Variants in AGO1 observed in about 807,000 individuals in gnomAD.
The protein encoded by AGO1 is protein argonaute-1.
Under a neutral mutation model 109.2 loss-of-function variants are expected in AGO1, and 11 were observed. The observed-to-expected ratio is 0.10, with a 90% CI of 0.06 to 0.17. AGO1 has a LOEUF of 0.17. AGO1 is among the 10% of genes least tolerant of loss of function. The pLI, the probability that AGO1 is intolerant of heterozygous loss-of-function variation, is 1.00. For synonymous variants in AGO1, 422 were observed against 418.6 expected, an observed-to-expected ratio of 1.01 and a Z score of -0.10; for missense variants, 574 against 1,140.3, an observed-to-expected ratio of 0.50 and a Z score of 7.15.
chr1:35,888,748 G>C lies in AGO1; in HGVS notation c.209+138G>C. The C allele has an allele frequency of 1.1e-6, 1 of 939,072 alleles. No individual in the cohort carries two copies. The highest frequency in any genetic ancestry group is 1.6e-6 in the Non-Finnish European group (1 of 643,664). 58.2% of individuals were successfully genotyped at this position (939,072 alleles called of 1,614,324 possible). On this transcript the variant is annotated intron_variant, in intron 2 of 18. Coordinates refer to ENST00000373204, the MANE Select transcript of AGO1 (RefSeq NM_012199.5). The surrounding 1 kb of genome is among the most constrained non-coding windows in gnomAD (Gnocchi z 4.1). ...TTTTGAACGGGAGATGCCACGTCGG[G>C]TAAATGCTGAAAAATAGTCCAATTG...
intron 1 of AGO1, among the ~76,000 whole-genome samples, chr1:35,870,059 T>C (rs1034123951): frequency 2.6e-5 from 4 of 152,050 alleles, no homozygotes; most frequent in Non-Finnish European, 5.9e-5. Flanking sequence ...TAATTTTTTT[T>C]CCTGTCAGCC....
chr1:35,873,126 C>T (rs754246608), intron 1 of AGO1: 3 of 151,678 alleles, frequency 2.0e-5, no homozygotes, highest in Non-Finnish European at 2.9e-5. Flanking sequence ...TACCTTTATC[C>T]TTGTCCTAAA....
At chr1:35,879,017 C>G (rs1344230927), upstream of AGO1, among the ~76,000 whole-genome samples, 1 of 152,030 alleles carries the variant, frequency 6.6e-6, no homozygotes, top group African/African-American at 2.4e-5. Flanking sequence ...GTAGAAGACT[C>G]TGGCCCACAC....
At chr1:35,883,179 G>C (rs566039456), upstream of AGO1, 14 of 1,154,488 alleles carry the variant, frequency 1.2e-5, no homozygotes, top group South Asian at 4.7e-4. This position sits in a 1 kb window ranked among gnomAD's most constrained non-coding sequence, Gnocchi z 5.4. Context: ...GTTCCGGTCC[G>C]CCCCCTGGGC....
intron 12 of AGO1, among the ~76,000 whole-genome samples, chr1:35,907,454 GA>G (rs1645544394): frequency 6.6e-6 from 1 of 151,986 alleles, no homozygotes; most frequent in Admixed American, 6.6e-5. Flanking sequence ...TTGTTTATCT[GA>G]ACATCGTGCA....
chr1:35,893,946 GC>G lies in AGO1; in HGVS notation c.650-88del. ...TGGCACCCCCTTCCCCCATCCCAAT[GC>G]CCTTTAAGGAAGAGGGTATAAATTG... is the stretch of plus-strand genomic sequence containing the variant. On this transcript the variant is annotated intron_variant, in intron 5 of 18. Transcript: ENST00000373204. The surrounding 1 kb of genome is among the most constrained non-coding windows in gnomAD (Gnocchi z 5.6). 6.6e-7 allele frequency: 1 copy of G among 1,519,194 alleles called. No homozygotes were observed. The highest frequency in any genetic ancestry group is 8.9e-7 in the Non-Finnish European group (1 of 1,129,602). The allele number at this position is 1,519,194 out of a possible 1,614,324, so 94.1% of individuals were successfully genotyped here. A position where few individuals can be genotyped will look rare whatever the true frequency, so the allele number is the denominator to read the frequency against.
intron 8 of AGO1, among the ~76,000 whole-genome samples, chr1:35,900,641 C>T (rs1279939944): frequency 6.6e-6 from 1 of 152,098 alleles, no homozygotes; most frequent in East Asian, 1.9e-4. Context: ...GCAGGAGAAT[C>T]GCTTGAACCT....
chr1:35,879,069 C>G (rs1251186798), upstream of AGO1, among the ~76,000 whole-genome samples: 1 of 152,034 alleles, frequency 6.6e-6, no homozygotes, highest in Non-Finnish European at 1.5e-5. Flanking sequence ...GACTGAGATG[C>G]AAGGATGAAA....
intron 1 of AGO1, among the ~76,000 whole-genome samples, chr1:35,873,995 G>A (rs1156579682): frequency 6.6e-6 from 1 of 152,092 alleles, no homozygotes; most frequent in Non-Finnish European, 1.5e-5. Flanking sequence ...TGCTCAAATT[G>A]TGTCTTTCTC....
chr1:35,912,261 A>C (rs559513940), intron 12 of AGO1, among the ~76,000 whole-genome samples: 2 of 146,676 alleles, frequency 1.4e-5, no homozygotes, highest in African/African-American at 5.0e-5. Flanking sequence ...CAGGAGGCTG[A>C]GGCAGGAGAA....
chr1:35,902,921 A>G (rs1241425938), intron 11 of AGO1, among the ~76,000 whole-genome samples: 1 of 151,304 alleles, frequency 6.6e-6, no homozygotes, highest in African/African-American at 2.4e-5. Context: ...GGCACCAATG[A>G]GGAAAGTGTT....
At chr1:35,878,508 A>G (rs1006779515), upstream of AGO1, among the ~76,000 whole-genome samples, 5 of 152,200 alleles carry the variant, frequency 3.3e-5, no homozygotes, top group African/African-American at 9.7e-5. Context: ...GGACTGGCTC[A>G]ATTACATCCT....
rs1280679964 is a variant in AGO1 at position 35,928,091 on chromosome 1, G to A, written c.*8484G>A. ...TAGAATAATAGCGGCAGCAGGGAGG[G>A]AAGTGTGAACTGTGTGTCCCTGAGC... On this transcript the variant is annotated 3_prime_UTR_variant, in exon 19 of 19. Transcript: ENST00000373204. 1 of 152,222 alleles carries A rather than the reference G, an allele frequency of 6.6e-6. No homozygotes were observed. The highest frequency in any genetic ancestry group is 6.5e-5 in the Admixed American group (1 of 15,282). 9.4% of individuals were successfully genotyped at this position (152,222 alleles called of 1,614,324 possible). A position where few individuals can be genotyped will look rare whatever the true frequency, so the allele number is the denominator to read the frequency against.
chr1:35,895,310 A>G (rs1250867214), intron 8 of AGO1, 41 bp downstream of exon 8: 3 of 1,573,388 alleles, frequency 1.9e-6, no homozygotes, highest in Admixed American at 1.8e-5. Context: ...GGCATTGTAT[A>G]TACCTGCATG....
Position 35,925,315 on chromosome 1 carries a change from T to TA in AGO1, c.*5712dup, listed in dbSNP as rs754918941. 7.3e-5 allele frequency: 11 copies of TA among 151,192 alleles called. No homozygotes were observed. Among genetic ancestry groups the TA allele is most frequent in the Non-Finnish European group, 1.2e-4 (8 of 67,880 alleles). 9.4% of individuals were successfully genotyped at this position (151,192 alleles called of 1,614,324 possible). On this transcript the variant is annotated 3_prime_UTR_variant, in exon 19 of 19. Transcript: ENST00000373204. ...AAATGAGCATTGGAAAAACCAATTCTAAAATGGCTAAAACTAGGACTTTCA... is the reference window on the plus strand; with the variant it reads ...AAATGAGCATTGGAAAAACCAATTCTAAAAATGGCTAAAACTAGGACTTTCA...
At chr1:35,911,748 CACA>C (rs1645636626) in intron 12 of AGO1, among the ~76,000 whole-genome samples, 2 of 152,084 alleles carry the variant, frequency 1.3e-5, no homozygotes, top group African/African-American at 4.8e-5. Context: ...CTTAAATCAC[CACA>C]ACAATTTTTG....
intron 1 of AGO1, among the ~76,000 whole-genome samples, chr1:35,886,866 A>G (rs1476426750): frequency 2.0e-5 from 3 of 152,134 alleles, no homozygotes; most frequent in Non-Finnish European, 4.4e-5. Flanking sequence ...AACAGTGACC[A>G]AGGCAGATAT....
At chr1:35,907,209 C>G in intron 12 of AGO1, 90 bp downstream of exon 12, 1 of 1,286,304 alleles carries the variant, frequency 7.8e-7, no homozygotes, top group Non-Finnish European at 1.0e-6. Flanking sequence ...AGTCTGGATT[C>G]TTGGCTTTGA....
At chr1:35,909,137 G>A (rs1315035872) in intron 12 of AGO1, among the ~76,000 whole-genome samples, 1 of 152,046 alleles carries the variant, frequency 6.6e-6, no homozygotes, top group African/African-American at 2.4e-5. Flanking sequence ...TCTTGAATGG[G>A]TTCCAAGAAA....
Sources: gnomAD v4.1 joint callset for allele counts (sites outside exome capture counted in the v4.1 genomes callset) on GRCh38, gnomAD v4.1.1 for gene constraint, Gnocchi (gnomAD v3.1) non-coding constraint, MANE v1.5 for transcripts, NCBI Gene and HGNC (gene_info 2026-07-23, HGNC 2026-07-21) for gene names.